ITGA9: variants seen among roughly 807,000 people sequenced by gnomAD.
The protein encoded by ITGA9 is integrin alpha-9.
ITGA9 carries 56 observed loss-of-function variants against 127.8 expected under a neutral mutation model. The observed-to-expected ratio is 0.44, with a 90% CI of 0.35 to 0.55. The LOEUF is 0.55. ITGA9 is among the 20% of genes least tolerant of loss of function. ITGA9 has a pLI of 0.00. For missense variants in ITGA9, 1,196 were observed against 1,347.1 expected (o/e 0.89, Z 1.76); for synonymous variants, 508 against 514.5 (o/e 0.99, Z 0.17).
At chr3:37,620,354 C>G (rs373962511) in intron 15 of ITGA9, among the ~76,000 whole-genome samples, 2 of 152,170 alleles carry the variant, frequency 1.3e-5, no homozygotes, top group South Asian at 4.1e-4. Flanking sequence ...CCTTCCCTGT[C>G]CATAGTCCCT....
intron 22 of ITGA9, chr3:37,748,340 A>G: frequency 1.7e-6 from 1 of 598,152 alleles, no homozygotes; most frequent in South Asian, 1.4e-5. Flanking sequence ...ATTGTTATAA[A>G]CACACAAGTT....
intron 16 of ITGA9, among the ~76,000 whole-genome samples, chr3:37,645,665 C>T (rs1176051850): frequency 2.6e-5 from 4 of 152,138 alleles, no homozygotes; most frequent in Non-Finnish European, 5.9e-5. Flanking sequence ...TTTTAGGCCT[C>T]AGCATGGGAT....
rs912577913 is a variant in ITGA9, at chr3:37,684,108, G to T, written c.2067+93G>T. On this transcript the variant is annotated intron_variant, in intron 18 of 27. Transcript: ENST00000264741. ...CCTGGAATAGGCAATGATTCTACAA[G>T]CACTAATCCTTTCTGTGGACTATCA... 3.5e-5 allele frequency: 37 copies of T among 1,071,314 alleles called. No homozygotes were observed. The African/African-American group carries it at 5.7e-4, about 17-fold the overall frequency. 66.4% of individuals were successfully genotyped at this position (1,071,314 alleles called of 1,614,324 possible).
intron 17 of ITGA9, among the ~76,000 whole-genome samples, chr3:37,677,446 A>G (rs1442382390): frequency 6.6e-6 from 1 of 152,244 alleles, no homozygotes. Context: ...AAAATTGTCA[A>G]GAGAAAAGTT....
intron 15 of ITGA9, among the ~76,000 whole-genome samples, chr3:37,595,076 T>G (rs1369512972): frequency 1.3e-5 from 2 of 152,122 alleles, no homozygotes; most frequent in Non-Finnish European, 2.9e-5. Flanking sequence ...AAGATCCGCT[T>G]CCTTGTTTTG....
At chr3:37,703,935 G>A (rs2125674283) in intron 18 of ITGA9, among the ~76,000 whole-genome samples, 1 of 152,236 alleles carries the variant, frequency 6.6e-6, no homozygotes. Context: ...GGCACAGGCA[G>A]GCTGGTACTT....
chr3:37,711,146 AG>A (rs1197692824), intron 18 of ITGA9, among the ~76,000 whole-genome samples: 1 of 152,140 alleles, frequency 6.6e-6, no homozygotes, highest in Non-Finnish European at 1.5e-5. Flanking sequence ...CAGGCCACAG[AG>A]CACTCAGGAC....
chr3:37,752,761 T>G (rs1450944919), intron 23 of ITGA9, among the ~76,000 whole-genome samples: 10 of 152,240 alleles, frequency 6.6e-5, no homozygotes, highest in African/African-American at 2.2e-4. Flanking sequence ...CCAACCTGCC[T>G]CTAGCTTTCA....
At chr3:37,453,396 C>G (rs1698222465) in intron 1 of ITGA9, among the ~76,000 whole-genome samples, 1 of 152,142 alleles carries the variant, frequency 6.6e-6, no homozygotes, top group Non-Finnish European at 1.5e-5. Context: ...GCAGCTCTCC[C>G]CCATTAAGCA....
rs1559524317 is a variant in ITGA9, at chr3:37,511,993, CTTTT to C, written c.898-1769_898-1766del. ...CTTTTCTTTTCTTTTCTTTTCTTTT[CTTTT>C]CTTTTCTTTTCTTTTCTTTTCTTTT... On this transcript the variant is annotated intron_variant, in intron 8 of 27. Transcript: ENST00000264741. Among the ~76,000 whole-genome samples, 26 of 29,148 alleles carry C rather than the reference CTTTT, an allele frequency of 8.9e-4. 2 individuals carry two copies. Among genetic ancestry groups the C allele is most frequent in the African/African-American group, 1.6e-3 (24 of 14,772 alleles). 19.1% of individuals were successfully genotyped at this position (29,148 alleles called of 152,430 possible). A position where few individuals can be genotyped will look rare whatever the true frequency, so the allele number is the denominator to read the frequency against.
intron 10 of ITGA9, among the ~76,000 whole-genome samples, chr3:37,518,771 CTTTTTTTTTTTTTT>C (rs543297344): frequency 4.6e-5 from 2 of 43,492 alleles, no homozygotes; most frequent in Non-Finnish European, 8.2e-5. Context: ...TTTCACTGTA[CTTTTTTTTTTTTTT>C]TTTTTTTTTT....
intron 18 of ITGA9, among the ~76,000 whole-genome samples, chr3:37,698,041 A>G (rs935669092): frequency 3.3e-5 from 5 of 152,198 alleles, no homozygotes; most frequent in African/African-American, 1.2e-4. Context: ...CTGGTGTGAG[A>G]TGATATCTTA....
chr3:37,498,738 C>T (rs967279810), intron 5 of ITGA9, among the ~76,000 whole-genome samples: 3 of 152,320 alleles, frequency 2.0e-5, no homozygotes, highest in South Asian at 2.1e-4. Context: ...CCTCTGACCC[C>T]GGCCTGCTGT....
At chr3:37,641,525 C>T (rs73824862) in intron 16 of ITGA9, among the ~76,000 whole-genome samples, 14,902 of 152,088 alleles carry the variant, frequency 0.098, 1,309 homozygotes, top group African/African-American at 0.23. Flanking sequence ...GAGCCAGCCG[C>T]ACCACCATGA....
chr3:37,717,822 A>G (rs1039930899), intron 18 of ITGA9, among the ~76,000 whole-genome samples: 3 of 152,238 alleles, frequency 2.0e-5, no homozygotes, highest in Non-Finnish European at 4.4e-5. Flanking sequence ...TAGTATGACT[A>G]TGGTAGTCCA....
chr3:37,492,499 A>T (rs1159842863), intron 4 of ITGA9, among the ~76,000 whole-genome samples: 2 of 152,226 alleles, frequency 1.3e-5, no homozygotes, highest in Non-Finnish European at 2.9e-5. Context: ...ACCACCTCGG[A>T]AACCCGAGGT....
chr3:37,705,726 A>G (rs1475530431), intron 18 of ITGA9, among the ~76,000 whole-genome samples: 1 of 152,210 alleles, frequency 6.6e-6, no homozygotes, highest in Non-Finnish European at 1.5e-5. Flanking sequence ...CTTGGCTGGA[A>G]GTATACAGCA....
At chr3:37,669,454 C>G (rs753328527) in intron 17 of ITGA9, among the ~76,000 whole-genome samples, 8 of 152,250 alleles carry the variant, frequency 5.3e-5, no homozygotes, top group South Asian at 2.1e-4. Context: ...GGCTCGCCAA[C>G]AGATCCCTGG....
chr3:37,698,550 G>C (rs188863842), intron 18 of ITGA9, among the ~76,000 whole-genome samples: 1 of 152,250 alleles, frequency 6.6e-6, no homozygotes, highest in East Asian at 1.9e-4. Flanking sequence ...TCCATCATAT[G>C]AATATGCCAC....
Sources: allele counts gnomAD v4.1 joint callset (sites outside exome capture counted in the v4.1 genomes callset), GRCh38; gene constraint gnomAD v4.1.1; transcripts MANE v1.5; gene names NCBI Gene and HGNC (gene_info 2026-07-23, HGNC 2026-07-21).